GRID2: variants seen among roughly 807,000 people sequenced by gnomAD.
The protein encoded by GRID2 is glutamate receptor ionotropic, delta-2.
Under a neutral mutation model 114.8 loss-of-function variants are expected in GRID2, and 33 were observed. The ratio of observed to expected loss-of-function variants is 0.29; its 90% CI spans 0.22 to 0.38. The LOEUF is 0.38. Ranked by LOEUF, GRID2 falls within the 10% of genes least tolerant of loss-of-function variation. The pLI is 1.00. For missense variants in GRID2, 1,184 were observed against 1,257.7 expected, an observed-to-expected ratio of 0.94 and a Z score of 0.89; for synonymous variants, 505 against 449.9, an observed-to-expected ratio of 1.12 and a Z score of -1.55.
intron 2 of GRID2, among the ~76,000 whole-genome samples, chr4:92,755,588 C>T (rs565603957): frequency 2.6e-5 from 4 of 151,948 alleles, no homozygotes; most frequent in Admixed American, 6.6e-5. Context: ...GAGTGATGAA[C>T]GTTACAGGCA....
chr4:93,562,898 G>T (rs6818515), intron 13 of GRID2, among the ~76,000 whole-genome samples: 2 of 151,680 alleles, frequency 1.3e-5, no homozygotes, highest in Admixed American at 6.6e-5. Flanking sequence ...CTCTCTGTGC[G>T]TTCTTTTGCC....
chr4:93,291,779 C>G (rs1753784747), intron 8 of GRID2, among the ~76,000 whole-genome samples: 1 of 151,730 alleles, frequency 6.6e-6, no homozygotes, highest in Admixed American at 6.6e-5. Flanking sequence ...TTTCTTTTTT[C>G]TTTTTTCTTT....
intron 1 of GRID2, among the ~76,000 whole-genome samples, chr4:92,335,477 T>C (rs1450107045): frequency 6.6e-6 from 1 of 152,204 alleles, no homozygotes; most frequent in African/African-American, 2.4e-5. Flanking sequence ...TTATTTTTCT[T>C]TCAGTCTGAC....
At chr4:92,862,858 A>G (rs1041028735) in intron 2 of GRID2, among the ~76,000 whole-genome samples, 3 of 152,116 alleles carry the variant, frequency 2.0e-5, no homozygotes, top group African/African-American at 7.2e-5. Context: ...CTGAAAGCTC[A>G]GTGCTCTAAA....
intron 2 of GRID2, among the ~76,000 whole-genome samples, chr4:92,668,122 A>G (rs1732877677): frequency 6.6e-6 from 1 of 151,758 alleles, no homozygotes; most frequent in South Asian, 2.1e-4. Flanking sequence ...GCTCTGTAGA[A>G]TACAGGAGGT....
intron 4 of GRID2, among the ~76,000 whole-genome samples, chr4:93,189,757 A>G (rs575570713): frequency 1.6e-4 from 22 of 141,116 alleles, no homozygotes; most frequent in Non-Finnish European, 2.7e-4. Context: ...CTAAACAACA[A>G]CACCACCACA....
intron 4 of GRID2, among the ~76,000 whole-genome samples, chr4:93,140,155 C>A (rs373849051): frequency 8.3e-6 from 1 of 120,402 alleles, no homozygotes; most frequent in Non-Finnish European, 1.7e-5. Context: ...TCTTTCTTTT[C>A]TTTTCTTTTT....
intron 4 of GRID2, among the ~76,000 whole-genome samples, chr4:93,148,606 GT>G (rs1736460407): frequency 6.6e-6 from 1 of 152,084 alleles, no homozygotes; most frequent in Non-Finnish European, 1.5e-5. Context: ...AGTGAGGATT[GT>G]TTAAAATGCA....
intron 13 of GRID2, among the ~76,000 whole-genome samples, chr4:93,534,432 A>G (rs1731822709): frequency 1.3e-5 from 2 of 152,070 alleles, no homozygotes; most frequent in African/African-American, 4.8e-5. Context: ...AACACCTAAA[A>G]TCTATTCTCT....
In GRID2 at chr4:93,093,798, T is replaced by C. The variant is rs191783472; in HGVS notation, c.529+8519T>C. On this transcript the variant is annotated intron_variant, in intron 3 of 15. Transcript: ENST00000282020. ...TGCCTAGGGTGTTTAGTCTCTCTTA[T>C]GGCAAGAATCCTTCTTTTAAGGCAG... Among the ~76,000 whole-genome samples the C allele has an allele frequency of 2.0e-3, 309 of 152,044 alleles. 2 individuals are homozygous for C. Among genetic ancestry groups the C allele is most frequent in the African/African-American group, 7.3e-3 (302 of 41,500 alleles).
chr4:92,428,405 C>T (rs1732263786), intron 1 of GRID2, among the ~76,000 whole-genome samples: 2 of 151,794 alleles, frequency 1.3e-5, no homozygotes, highest in Admixed American at 6.6e-5. Flanking sequence ...TCTCTCTTAA[C>T]TTCTGATATT....
At chr4:93,297,124 C>T (rs1754388987) in intron 8 of GRID2, among the ~76,000 whole-genome samples, 1 of 152,104 alleles carries the variant, frequency 6.6e-6, no homozygotes, top group Non-Finnish European at 1.5e-5. Context: ...AGAAAAAAGT[C>T]TTACTTTTTT....
At chr4:92,486,020 G>A (rs915366793) in intron 1 of GRID2, among the ~76,000 whole-genome samples, 3 of 151,392 alleles carry the variant, frequency 2.0e-5, no homozygotes, top group Non-Finnish European at 4.4e-5. Context: ...ATGCTAATGG[G>A]TTCTCATTAA....
At chr4:92,964,700 T>A (rs1753025659) in intron 2 of GRID2, among the ~76,000 whole-genome samples, 2 of 151,980 alleles carry the variant, frequency 1.3e-5, no homozygotes, top group East Asian at 3.9e-4. Flanking sequence ...TTAAGCCTCA[T>A]GAACAAACCT....
chr4:93,012,685 C>A (rs200448415), intron 2 of GRID2, among the ~76,000 whole-genome samples: 1 of 147,306 alleles, frequency 6.8e-6, no homozygotes, highest in Admixed American at 6.9e-5. Flanking sequence ...TAAAAAAAAA[C>A]CTGTGCTATT....
At chr4:92,838,427 C>A (rs955068708) in intron 2 of GRID2, among the ~76,000 whole-genome samples, 1 of 151,964 alleles carries the variant, frequency 6.6e-6, no homozygotes, top group East Asian at 1.9e-4. Context: ...TCTGATTTTG[C>A]AATATGGATG....
At chr4:92,663,564 A>G (rs756599004) in intron 2 of GRID2, among the ~76,000 whole-genome samples, 10 of 151,240 alleles carry the variant, frequency 6.6e-5, no homozygotes, top group Non-Finnish European at 1.5e-4. Flanking sequence ...TTTTGGAAGC[A>G]TCAATTTCAC....
chr4:92,377,093 A>G (rs184748242), intron 1 of GRID2, among the ~76,000 whole-genome samples: 112 of 152,212 alleles, frequency 7.4e-4, no homozygotes, highest in African/African-American at 2.5e-3. Flanking sequence ...AGAAAATGGA[A>G]TTTTATTTTC....
chr4:93,496,502 C>T (rs1301853185), intron 12 of GRID2, among the ~76,000 whole-genome samples: 1 of 151,768 alleles, frequency 6.6e-6, no homozygotes, highest in East Asian at 1.9e-4. Context: ...GCAAAGATCT[C>T]TCTCATTCTA....
Sources: gnomAD v4.1 joint callset for allele counts (sites outside exome capture counted in the v4.1 genomes callset) on GRCh38, gnomAD v4.1.1 for gene constraint, MANE v1.5 for transcripts, NCBI Gene and HGNC (gene_info 2026-07-23, HGNC 2026-07-21) for gene names.